The following WDR90 variants were observed in gnomAD, a reference collection of about 807,000 sequenced individuals.
WDR90 encodes WD repeat-containing protein 90.
In WDR90, 238 loss-of-function variants were observed where a neutral mutation model predicts 195.2. The observed-to-expected ratio is 1.22, with a 90% CI of 1.10 to 1.36. The LOEUF (loss-of-function observed/expected upper bound fraction) is 1.36, where lower values mean the gene tolerates loss of function less well. WDR90 is among the 40% of genes most tolerant of loss of function. The pLI is 0.00. For missense variants in WDR90, 2,734 were observed against 2,439.5 expected (o/e 1.12, Z -2.54); for synonymous variants, 1,265 against 1,052.4 (o/e 1.20, Z -3.91).
chr16:658,309 G>A lies in WDR90; in HGVS notation c.2731G>A (p.Val911Met). 3 of 1,612,598 alleles carry A rather than the reference G, an allele frequency of 1.9e-6. No homozygotes were observed. In the African/African-American group the frequency reaches 4.0e-5, roughly 21 times the overall value. The change falls in exon 22 of 41, where the codon GTG (valine) becomes ATG (methionine). Residue 911 changes from valine (V) to methionine (M), a missense_variant. Physicochemically the swap from Val to Met is conservative, Grantham distance 21 (BLOSUM62 1). Coordinates refer to ENST00000293879, the MANE Select transcript of WDR90 (RefSeq NM_145294.5). ...LVSTSSNRVV[V>M]LDAVSGRIIR... is the part of the protein sequence containing the mutation. ...GTCCACCTCGTCCAACAGAGTCGTG[G>A]TGCTGGATGCTGTGTCGGGCCGCAT... is the stretch of plus-strand genomic sequence containing the variant.
Position 660,710 on chromosome 16 carries a change from C to A in WDR90, c.3387C>A (p.Asp1129Glu). 6.4e-7 allele frequency: 1 copy of A among 1,563,854 alleles called. No individual in the cohort carries two copies. Among genetic ancestry groups the A allele is most frequent in the South Asian group, 1.2e-5 (1 of 85,362 alleles). ...NGRANMVWRP[D>E]TGFFAYTCGR... Reference sequence around the variant, plus strand: ...GGGCCAACATGGTCTGGAGGCCGGACACAGGTGGGGGCCAAGAGCCTACCC... The same window carrying A: ...GGGCCAACATGGTCTGGAGGCCGGAAACAGGTGGGGGCCAAGAGCCTACCC... Residue 1129 changes from aspartate (D) to glutamate (E), a missense_variant, in exon 28 of 41, where the codon GAC becomes GAA. Asp to Glu is a conservative substitution (Grantham distance 45). Transcript: ENST00000293879.
At chr16:652,291 C>T (rs1481086749) in intron 9 of WDR90, 176 bp from the exon 10 acceptor site, 7 of 837,162 alleles carry the variant, frequency 8.4e-6, no homozygotes, top group Non-Finnish European at 1.3e-5. Flanking sequence ...GAAGGTCTGG[C>T]AGTGCAACTG....
In WDR90 at chr16:658,233, C is replaced by T. The variant is rs1294404675; in HGVS notation, c.2655C>T (p.Asp885=). Residue 885 remains aspartate (D), a synonymous_variant, in exon 22 of 41, where the codon GAC becomes GAT. Coordinates refer to ENST00000293879, the MANE Select transcript of WDR90 (RefSeq NM_145294.5). ...TGGACCTGGCCAGCAGCCGCCTGGA[C>T]TCAGCCATGGCTGTGTGCTTTGGCC... is the stretch of plus-strand genomic sequence containing the variant. The part of the protein sequence containing the change: ...GTLDLASSRL[D]SAMAVCFGPA... 3 of 1,612,470 alleles carry T rather than the reference C, an allele frequency of 1.9e-6. No homozygotes were observed. Among genetic ancestry groups the T allele is most frequent in the Non-Finnish European group, 2.5e-6 (3 of 1,179,876 alleles).
chr16:656,892 C>T (rs1301631150), intron 19 of WDR90, 21 bp downstream of exon 19: 1 of 1,609,014 alleles, frequency 6.2e-7, no homozygotes, highest in Non-Finnish European at 8.5e-7. Flanking sequence ...AGCTGGCCAC[C>T]AGCCCCACGG....
chr16:667,720 G>A lies in WDR90; in HGVS notation c.*131G>A, dbSNP rs1468205489. The A allele has an allele frequency of 2.1e-6, 3 of 1,417,178 alleles. No homozygotes were observed. The highest frequency in any genetic ancestry group is 5.0e-5 in the East Asian group (2 of 40,360). The allele number at this position is 1,417,178 out of a possible 1,614,324, so 87.8% of individuals were successfully genotyped here. A position where few individuals can be genotyped will look rare whatever the true frequency, so the allele number is the denominator to read the frequency against. ...GGCCAGGATTCACGTAAATCGCCTG[G>A]AGCAAGCTGTTGTAAATTTGGCGCC... On this transcript the variant is annotated 3_prime_UTR_variant, in exon 41 of 41. Transcript: ENST00000293879.
intron 7 of WDR90, 101 bp downstream of exon 7, chr16:651,367 G>A (rs2151161495): frequency 3.6e-6 from 5 of 1,371,854 alleles, no homozygotes; most frequent in African/African-American, 2.9e-5. Context: ...TGGTGTGCTG[G>A]CTGCAGCTGG....
chr16:666,161 G>C (rs754308656), intron 36 of WDR90, 37 bp downstream of exon 36: 2 of 1,606,310 alleles, frequency 1.2e-6, no homozygotes, highest in Admixed American at 1.7e-5. Flanking sequence ...GTGCCGTCCT[G>C]ACCTGGCCCA....
intron 27 of WDR90, 116 bp downstream of exon 27, chr16:660,277 C>T (rs2037867907): frequency 1.0e-6 from 1 of 960,114 alleles, no homozygotes; most frequent in South Asian, 1.7e-5. Flanking sequence ...TGGCTCTGGC[C>T]CTTGGGCGCC....
At chr16:649,949 T>C (rs377261841) in intron 2 of WDR90, 42 bp from the exon 3 acceptor site, 1,162 of 1,608,736 alleles carry the variant, frequency 7.2e-4, no homozygotes, top group Non-Finnish European at 9.5e-4. Flanking sequence ...CCGCTGCACT[T>C]CTTCTGGGTG....
chr16:653,319 G>T, intron 10 of WDR90, 22 bp from the exon 11 acceptor site: 1 of 1,492,758 alleles, frequency 6.7e-7, no homozygotes, highest in East Asian at 2.5e-5. Context: ...CCGGTCCTCA[G>T]CCCCCCGCCC....
In WDR90 at chr16:649,407, C is replaced by T. The variant is rs765025701; in HGVS notation, c.-10C>T. The T allele has an allele frequency of 8.4e-6, 11 of 1,314,286 alleles. No individual in the cohort carries two copies. The highest frequency in any genetic ancestry group is 6.2e-5 in the East Asian group (2 of 32,418). The allele number at this position is 1,314,286 out of a possible 1,614,324, so 81.4% of individuals were successfully genotyped here. Reference sequence around the variant, plus strand: ...CGGAGGCCTAGGCGGGAAGCTCGAGCGGCGGCGCCATGGCCCGAGGTAGCG... The same window carrying T: ...CGGAGGCCTAGGCGGGAAGCTCGAGTGGCGGCGCCATGGCCCGAGGTAGCG... On this transcript the variant is annotated 5_prime_UTR_variant, in exon 1 of 41. Transcript: ENST00000293879.
At position 667,776 on chromosome 16, in the gene WDR90, T is replaced by A. The variant is rs1418936127; in HGVS notation, c.*187T>A. 1 of 787,786 alleles carries A rather than the reference T, an allele frequency of 1.3e-6. No individual in the cohort carries two copies. Among genetic ancestry groups the A allele is most frequent in the Admixed American group, 2.2e-5 (1 of 46,356 alleles). The allele number at this position is 787,786 out of a possible 1,614,324, so 48.8% of individuals were successfully genotyped here. ...AATACTTTCATACCTGTTGCCCTTTTGCCTAAGAAATCTTTAATGTTTCTA... is the reference window on the plus strand; with the variant it reads ...AATACTTTCATACCTGTTGCCCTTTAGCCTAAGAAATCTTTAATGTTTCTA... On this transcript the variant is annotated 3_prime_UTR_variant, in exon 41 of 41. Transcript: ENST00000293879.
intron 18 of WDR90, 73 bp downstream of exon 18, chr16:656,610 A>G: frequency 6.3e-7 from 1 of 1,575,408 alleles, no homozygotes; most frequent in Non-Finnish European, 8.6e-7. Context: ...AGCGGGGGTG[A>G]GAGGGGCCTA....
At position 650,636 on chromosome 16, in the gene WDR90, T is replaced by C; in HGVS notation, c.486T>C (p.His162=). ...LLVYLNRCYG[H]LKSIRLCASL... Reference sequence around the variant, plus strand: ...TCTACCTGAACCGGTGCTACGGCCATCTCAAGAGCATCAGGCTGTGCGCCA... The same window carrying C: ...TCTACCTGAACCGGTGCTACGGCCACCTCAAGAGCATCAGGCTGTGCGCCA... The change falls in exon 5 of 41, where the codon CAT becomes CAC. Residue 162 remains histidine, a synonymous_variant. Transcript: ENST00000293879. 6.2e-7 allele frequency: 1 copy of C among 1,612,746 alleles called. No homozygotes were observed. Among genetic ancestry groups the C allele is most frequent in the Middle Eastern group, 1.6e-4 (1 of 6,062 alleles).
Position 658,200 on chromosome 16 carries a change from C to G in WDR90, c.2622C>G (p.Ile874Met). The change falls in exon 22 of 41, where the codon ATC (isoleucine) becomes ATG (methionine). Residue 874 changes from isoleucine (I) to methionine (M), a missense_variant. Ile to Met is a conservative substitution (Grantham distance 10, BLOSUM62 1). Transcript: ENST00000293879. ...ACCCCCAGCTGCTGCGAGTTGACAT[C>G]GGCACTCTGGACCTGGCCAGCAGCC... ...ASLDELLRVD[I>M]GTLDLASSRL... 6.2e-7 allele frequency: 1 copy of G among 1,610,406 alleles called. No individual in the cohort carries two copies. Among genetic ancestry groups the G allele is most frequent in the East Asian group, 2.2e-5 (1 of 44,820 alleles).
At chr16:654,809 G>T in intron 13 of WDR90, 1 of 582,548 alleles carries the variant, frequency 1.7e-6, no homozygotes, top group South Asian at 2.1e-5. Flanking sequence ...TCTGCGAATG[G>T]GTTGCAGTGC....
At position 667,493 on chromosome 16, in the gene WDR90, C is replaced by T; in HGVS notation, c.5151C>T (p.Asp1717=). The change falls in exon 41 of 41, where the codon GAC becomes GAT. Residue 1717 remains aspartate, a synonymous_variant. Coordinates refer to ENST00000293879, the MANE Select transcript of WDR90 (RefSeq NM_145294.5). ...CTGCCCAAGACTTTGCCGGCCACGA[C>T]AACGCAGTGCACCTGTGCAGGTTTA... ...MGTAQDFAGH[D]NAVHLCRFTP... The T allele has an allele frequency of 1.2e-6, 2 of 1,611,920 alleles. No individual in the cohort carries two copies. Among genetic ancestry groups the T allele is most frequent in the Admixed American group, 3.3e-5 (2 of 60,012 alleles).
intron 13 of WDR90, chr16:654,273 C>T (rs2037701540): frequency 6.2e-6 from 1 of 160,816 alleles, no homozygotes; most frequent in African/African-American, 2.4e-5. Context: ...CTCACTGCAG[C>T]CTTGACCCCC....
chr16:661,707 G>T lies in WDR90; in HGVS notation c.3784G>T (p.Ala1262Ser), dbSNP rs376207789. The T allele has an allele frequency of 5.9e-5, 95 of 1,612,346 alleles. No individual in the cohort carries two copies. Among genetic ancestry groups the T allele is most frequent in the Middle Eastern group, 1.6e-4 (1 of 6,082 alleles). ...VHGVAFNPWD[A>S]GELTCVGQGT... ...TGGTGTGGCCTTCAACCCCTGGGAC[G>T]CCGGCGAGCTCACCTGTGTGGGCCA... is the stretch of plus-strand genomic sequence containing the variant. The change falls in exon 31 of 41, where the codon GCC becomes TCC. Residue 1262 changes from alanine to serine, a missense_variant. Transcript: ENST00000293879.
Sources: gnomAD v4.1 joint callset for allele counts on GRCh38, gnomAD v4.1.1 for gene constraint, MANE v1.5 for transcripts, NCBI Gene and HGNC (gene_info 2026-07-23, HGNC 2026-07-21) for gene names.